The following GRIA3 variants were observed in gnomAD, a reference collection of about 807,000 sequenced individuals.
GRIA3 encodes the protein glutamate receptor 3.
Under a neutral mutation model 63.0 loss-of-function variants are expected in GRIA3, and 3 were observed. The ratio of observed to expected loss-of-function variants is 0.05; its 90% CI spans 0.02 to 0.12. GRIA3 has a LOEUF of 0.12. Among genes scored for constraint, GRIA3 ranks in the 10% least tolerant of loss-of-function variants. The pLI is 1.00. For synonymous variants in GRIA3, 274 were observed against 257.9 expected (o/e 1.06, Z -0.60); for missense variants, 347 against 700.9 (o/e 0.50, Z 5.70).
chrX:123,384,690 T>C (rs188705446), intron 5 of GRIA3, among the ~76,000 whole-genome samples: 128 of 112,323 alleles, frequency 1.1e-3, no homozygotes, highest in African/African-American at 4.0e-3. Flanking sequence ...TTAATAGCCA[T>C]TCTGACTGGT....
chrX:123,384,032 CAT>C (rs2045339717), intron 5 of GRIA3, among the ~76,000 whole-genome samples: 1 of 112,070 alleles, frequency 8.9e-6, no homozygotes, highest in Non-Finnish European at 1.9e-5. Context: ...CTGCAAAAGA[CAT>C]AATCTTCATG....
intron 11 of GRIA3, among the ~76,000 whole-genome samples, chrX:123,425,547 G>A (rs2147399083): frequency 8.9e-6 from 1 of 112,162 alleles, no homozygotes; most frequent in African/African-American, 3.2e-5. Context: ...TAAATTAAAT[G>A]TATGTGGCAA....
At chrX:123,281,606 C>T (rs1416304555) in intron 3 of GRIA3, among the ~76,000 whole-genome samples, 7 of 111,455 alleles carry the variant, frequency 6.3e-5, no homozygotes, top group Non-Finnish European at 1.3e-4. Context: ...TTAAACCTAG[C>T]CACACATTCC....
intron 2 of GRIA3, among the ~76,000 whole-genome samples, chrX:123,187,838 C>T (rs1189554202): frequency 1.8e-5 from 2 of 111,552 alleles, no homozygotes; most frequent in Non-Finnish European, 3.8e-5. Flanking sequence ...ATGATTCTTG[C>T]CATGTGAAAA....
intron 13 of GRIA3, among the ~76,000 whole-genome samples, chrX:123,477,553 A>T (rs1245697392): frequency 9.0e-6 from 1 of 111,280 alleles, no homozygotes; most frequent in Non-Finnish European, 1.9e-5. Context: ...GTATATCAAG[A>T]AGGAATAATA....
intron 5 of GRIA3, among the ~76,000 whole-genome samples, chrX:123,369,584 G>A (rs974864959): frequency 1.8e-5 from 2 of 112,163 alleles, no homozygotes; most frequent in Non-Finnish European, 3.8e-5. Context: ...AATGTCTAGC[G>A]ATATGTGAAA....
chrX:123,260,371 G>A (rs1001101877), intron 3 of GRIA3, among the ~76,000 whole-genome samples: 1 of 88,636 alleles, frequency 1.1e-5, no homozygotes, highest in Non-Finnish European at 2.2e-5. Context: ...TGTTAAGACA[G>A]TAGCAGGGTA....
chrX:123,320,477 G>A (rs992948158), intron 3 of GRIA3, among the ~76,000 whole-genome samples: 4 of 111,612 alleles, frequency 3.6e-5, no homozygotes, highest in Non-Finnish European at 7.5e-5. Flanking sequence ...GCACAGGATA[G>A]GAAAGTTTTA....
chrX:123,256,297 C>T (rs1375501124), intron 3 of GRIA3, among the ~76,000 whole-genome samples: 1 of 111,614 alleles, frequency 9.0e-6, no homozygotes, highest in East Asian at 2.8e-4. Context: ...TATAAACCTA[C>T]ATTCTAATGA....
rs372094179 is a variant in GRIA3 at position 123,413,667 on chromosome X, T to A, written c.1501-3735T>A. ...GCAAAAGGGTAAAATAGATGAAAATTTGTCTTTGGCTCCCCTCTAGTTAGT... is the reference window on the plus strand; with the variant it reads ...GCAAAAGGGTAAAATAGATGAAAATATGTCTTTGGCTCCCCTCTAGTTAGT... On this transcript the variant is annotated intron_variant, in intron 10 of 15. Coordinates refer to ENST00000620443, the MANE Select transcript of GRIA3 (RefSeq NM_007325.5). Among the ~76,000 whole-genome samples the A allele has an allele frequency of 3.6e-5, 4 of 110,252 alleles. No homozygotes were observed. In the East Asian group the frequency reaches 8.5e-4, roughly 23 times the overall value.
chrX:123,249,215 C>T lies in GRIA3; in HGVS notation c.269-4088C>T, dbSNP rs141816115. On this transcript the variant is annotated intron_variant, in intron 2 of 15. Transcript: ENST00000620443. ...ATAGGGAGACATCAGACCAGTGAAA[C>T]TCTGTTCAATCAGAAGAGCTCCACT... Among the ~76,000 whole-genome samples the T allele has an allele frequency of 2.0e-4, 23 of 112,372 alleles. No individual in the cohort carries two copies. In the East Asian group the frequency reaches 5.9e-3, roughly 29 times the overall value.
intron 10 of GRIA3, among the ~76,000 whole-genome samples, chrX:123,416,487 G>A (rs1156395040): frequency 8.9e-6 from 1 of 112,160 alleles, no homozygotes; most frequent in Non-Finnish European, 1.9e-5. Context: ...TGTTGGAAAG[G>A]AACAATTACA....
chrX:123,242,859 T>C (rs1391341385), intron 2 of GRIA3, among the ~76,000 whole-genome samples: 2 of 112,516 alleles, frequency 1.8e-5, no homozygotes, highest in Non-Finnish European at 3.8e-5. Context: ...TAAAAACCCA[T>C]CTCAGTGCAA....
At chrX:123,407,532 A>G (rs1239258713) in intron 10 of GRIA3, among the ~76,000 whole-genome samples, 2 of 110,408 alleles carry the variant, frequency 1.8e-5, no homozygotes, top group Non-Finnish European at 1.9e-5. Flanking sequence ...GTGTTCTCAC[A>G]TGATGGAAAG....
At chrX:123,413,148 T>G (rs1185171241) in intron 10 of GRIA3, among the ~76,000 whole-genome samples, 2 of 111,296 alleles carry the variant, frequency 1.8e-5, no homozygotes, top group African/African-American at 6.5e-5. Context: ...GTGCTTACCA[T>G]GTAGTAGGTG....
intron 5 of GRIA3, among the ~76,000 whole-genome samples, chrX:123,382,635 G>A (rs1051357460): frequency 9.0e-6 from 1 of 111,230 alleles, no homozygotes; most frequent in Non-Finnish European, 1.9e-5. Context: ...GCAAGGGGTG[G>A]TAATTTTTGA....
At chrX:123,229,026 A>C (rs2044262848) in intron 2 of GRIA3, among the ~76,000 whole-genome samples, 1 of 111,238 alleles carries the variant, frequency 9.0e-6, no homozygotes, top group Non-Finnish European at 1.9e-5. Context: ...GCTGGGGTTG[A>C]AATGCTAGAA....
intron 5 of GRIA3, among the ~76,000 whole-genome samples, chrX:123,368,880 T>C (rs900137350): frequency 4.0e-4 from 45 of 111,588 alleles, no homozygotes; most frequent in African/African-American, 1.4e-3. Flanking sequence ...ATTCATATAA[T>C]AGCCATCTCT....
chrX:123,200,123 C>G (rs1295803490), intron 2 of GRIA3, among the ~76,000 whole-genome samples: 1 of 111,157 alleles, frequency 9.0e-6, no homozygotes, highest in Non-Finnish European at 1.9e-5. Context: ...TATTACTTTA[C>G]TACCTTCTGT....
Sources: gnomAD v4.1 joint callset for allele counts (sites outside exome capture counted in the v4.1 genomes callset) on GRCh38, gnomAD v4.1.1 for gene constraint, MANE v1.5 for transcripts, NCBI Gene and HGNC (gene_info 2026-07-23, HGNC 2026-07-21) for gene names.